DAB1: variants seen among roughly 807,000 people sequenced by gnomAD.
DAB1 encodes DAB adaptor protein 1, also known as disabled homolog 1.
In DAB1, 15 loss-of-function variants were observed where a neutral mutation model predicts 64.6. The observed-to-expected ratio is 0.23, with a 90% CI of 0.16 to 0.36. The LOEUF (loss-of-function observed/expected upper bound fraction) is 0.36, where lower values mean the gene tolerates loss of function less well. DAB1 is among the 10% of genes least tolerant of loss of function. The pLI, the probability that DAB1 is intolerant of heterozygous loss-of-function variation, is 1.00. For missense variants in DAB1, 596 were observed against 706.7 expected (o/e 0.84, Z 1.78); for synonymous variants, 235 against 251.9 (o/e 0.93, Z 0.64).
chr1:57,527,949 T>C (rs954544543), intron 7 of DAB1, among the ~76,000 whole-genome samples: 1 of 152,104 alleles, frequency 6.6e-6, no homozygotes. Context: ...CAACGAAAGA[T>C]AATAAGATAT....
intron 5 of DAB1, among the ~76,000 whole-genome samples, chr1:58,013,568 G>C (rs1052455918): frequency 6.6e-6 from 1 of 152,188 alleles, no homozygotes; most frequent in Admixed American, 6.5e-5. Flanking sequence ...CCCTAGCAAA[G>C]AGTCTGTTGG....
chr1:58,313,782 C>A (rs1557729084), intron 4 of DAB1, among the ~76,000 whole-genome samples: 2 of 148,106 alleles, frequency 1.4e-5, no homozygotes, highest in African/African-American at 2.5e-5. Context: ...GGGCCCTCTT[C>A]TTGGTTTACA....
chr1:57,529,166 A>G (rs762058576), intron 7 of DAB1, among the ~76,000 whole-genome samples: 1 of 152,114 alleles, frequency 6.6e-6, no homozygotes, highest in Non-Finnish European at 1.5e-5. Context: ...TTTTATTTGA[A>G]GGTAGGATGT....
intron 2 of DAB1, among the ~76,000 whole-genome samples, chr1:57,233,556 C>T (rs1201574372): frequency 6.6e-6 from 1 of 151,800 alleles, no homozygotes; most frequent in African/African-American, 2.4e-5. Context: ...GTCAGGGGTT[C>T]GAGACCGGCC....
chr1:58,406,591 A>G (rs77265073), intron 3 of DAB1, among the ~76,000 whole-genome samples: 1,684 of 152,314 alleles, frequency 0.011, 15 homozygotes, highest in South Asian at 0.037. Context: ...ACAGACAACA[A>G]TGGCCAGTTG....
At chr1:58,321,506 G>T (rs976092598) in intron 4 of DAB1, among the ~76,000 whole-genome samples, 3 of 152,346 alleles carry the variant, frequency 2.0e-5, no homozygotes, top group Admixed American at 1.3e-4. Flanking sequence ...CCTTTTCCTA[G>T]CCAAGGGAAG....
chr1:57,362,896 T>G (rs1231918189), intron 1 of DAB1, among the ~76,000 whole-genome samples: 1 of 152,200 alleles, frequency 6.6e-6, no homozygotes, highest in East Asian at 1.9e-4. Context: ...GTCACTATCT[T>G]TGAATAAGTA....
chr1:58,220,890 C>CACACAT (rs1553168386), intron 4 of DAB1, among the ~76,000 whole-genome samples: 1 of 139,766 alleles, frequency 7.2e-6, no homozygotes, highest in African/African-American at 2.6e-5. Context: ...CACACACACA[C>CACACAT]ATATATATAT....
At chr1:58,412,673 T>C (rs1644683153) in intron 3 of DAB1, among the ~76,000 whole-genome samples, 1 of 152,200 alleles carries the variant, frequency 6.6e-6, no homozygotes, top group Non-Finnish European at 1.5e-5. Flanking sequence ...GTATCCTCCA[T>C]GGTGAGTATT....
intron 3 of DAB1, among the ~76,000 whole-genome samples, chr1:58,430,178 G>A (rs1211063576): frequency 4.6e-5 from 7 of 152,212 alleles, no homozygotes; most frequent in African/African-American, 1.7e-4. Flanking sequence ...ATTTGGGTGA[G>A]ACACAAAGCC....
chr1:57,367,049 A>AAAAT (rs1491381314), intron 1 of DAB1, among the ~76,000 whole-genome samples: 6 of 10,318 alleles, frequency 5.8e-4, no homozygotes, highest in African/African-American at 5.2e-3. Flanking sequence ...TCCACAAAAT[A>AAAAT]AAATAAAATA....
At chr1:57,496,418 AAC>A (rs1644231229) in intron 7 of DAB1, among the ~76,000 whole-genome samples, 1 of 152,200 alleles carries the variant, frequency 6.6e-6, no homozygotes, top group South Asian at 2.1e-4. Flanking sequence ...AGGATAAAAA[AAC>A]ACACACAGAA....
At chr1:57,259,251 A>T (rs1268674823) in intron 2 of DAB1, among the ~76,000 whole-genome samples, 1 of 152,144 alleles carries the variant, frequency 6.6e-6, no homozygotes, top group Non-Finnish European at 1.5e-5. Flanking sequence ...GGGAGAGAGA[A>T]CACAGGCACA....
At chr1:58,404,200 G>C (rs1213071897) in intron 3 of DAB1, among the ~76,000 whole-genome samples, 3 of 152,154 alleles carry the variant, frequency 2.0e-5, no homozygotes, top group Non-Finnish European at 4.4e-5. Context: ...CAGAATGCAG[G>C]CATGGAACCT....
intron 4 of DAB1, among the ~76,000 whole-genome samples, chr1:57,115,112 C>T (rs1029771215): frequency 1.1e-4 from 17 of 152,270 alleles, no homozygotes; most frequent in African/African-American, 2.2e-4. Context: ...TCACAGAAGA[C>T]GCTAAACAGA....
intron 2 of DAB1, among the ~76,000 whole-genome samples, chr1:57,243,844 A>T (rs774247069): frequency 9.2e-5 from 14 of 152,194 alleles, no homozygotes; most frequent in Non-Finnish European, 1.9e-4. Flanking sequence ...GTTATCATGG[A>T]GGCAAATTAA....
At chr1:57,902,902 C>T (rs74072512) in intron 5 of DAB1, among the ~76,000 whole-genome samples, 2 of 152,270 alleles carry the variant, frequency 1.3e-5, no homozygotes, top group Middle Eastern at 3.4e-3. Flanking sequence ...CTAATAAAGA[C>T]ATACCCGAGA....
At chr1:57,337,462 G>A (rs1437411004) in intron 1 of DAB1, among the ~76,000 whole-genome samples, 1 of 152,080 alleles carries the variant, frequency 6.6e-6, no homozygotes, top group Non-Finnish European at 1.5e-5. Flanking sequence ...AGCCTCCTTG[G>A]AGCCTTTGCT....
chr1:57,800,894 A>T (rs1260469970), intron 6 of DAB1, among the ~76,000 whole-genome samples: 5 of 152,212 alleles, frequency 3.3e-5, no homozygotes, highest in African/African-American at 9.6e-5. Context: ...AATTTTAAAA[A>T]TTTTATGGAT....
Sources: gnomAD v4.1 joint callset for allele counts (sites outside exome capture counted in the v4.1 genomes callset) on GRCh38, gnomAD v4.1.1 for gene constraint, MANE v1.5 for transcripts, NCBI Gene and HGNC (gene_info 2026-07-23, HGNC 2026-07-21) for gene names.